The following COL5A2 variants were observed in gnomAD, a reference collection of about 807,000 sequenced individuals.
The protein encoded by COL5A2 is collagen alpha-2(V) chain.
In COL5A2, 23 loss-of-function variants were observed where a neutral mutation model predicts 208.2. That is an observed-to-expected ratio of 0.11 (90% confidence interval 0.08 to 0.16). The LOEUF is 0.16. Among genes scored for constraint, COL5A2 ranks in the 10% least tolerant of loss-of-function variants. COL5A2 has a pLI of 1.00. For missense variants in COL5A2, 1,590 were observed against 1,956.4 expected, an observed-to-expected ratio of 0.81 and a Z score of 3.53; for synonymous variants, 625 against 628.5, an observed-to-expected ratio of 0.99 and a Z score of 0.08.
chr2:189,215,794 C>T (rs1689271861), intron 1 of COL5A2, among the ~76,000 whole-genome samples: 1 of 152,064 alleles, frequency 6.6e-6, no homozygotes, highest in South Asian at 2.1e-4. Flanking sequence ...TTCAATTCTA[C>T]CTCTTTCGCC....
chr2:189,266,767 G>A, the COL5A2 span, among the ~76,000 whole-genome samples: 1 of 151,940 alleles, frequency 6.6e-6, no homozygotes, highest in East Asian at 1.9e-4. Context: ...GTGAATTTAT[G>A]GTATATGAGT....
At chr2:189,294,640 T>C in the COL5A2 span, among the ~76,000 whole-genome samples, 1 of 152,200 alleles carries the variant, frequency 6.6e-6, no homozygotes, top group South Asian at 2.1e-4. Flanking sequence ...CAATAGCCAA[T>C]ATATTTTCAT....
intron 17 of COL5A2, among the ~76,000 whole-genome samples, chr2:189,074,122 T>G (rs1201011354): frequency 1.3e-5 from 2 of 152,176 alleles, no homozygotes; most frequent in Admixed American, 6.5e-5. Context: ...ATGTTTATAA[T>G]TTACAGATGA....
At chr2:189,439,676 CTT>C in the COL5A2 span, among the ~76,000 whole-genome samples, 1 of 152,160 alleles carries the variant, frequency 6.6e-6, no homozygotes, top group Non-Finnish European at 1.5e-5. Context: ...ATACAAATGA[CTT>C]ATCTTTCTGG....
intron 1 of COL5A2, among the ~76,000 whole-genome samples, chr2:189,220,213 C>T (rs764055510): frequency 1.4e-4 from 21 of 152,178 alleles, no homozygotes; most frequent in Non-Finnish European, 2.8e-4. Context: ...TAGTATATTG[C>T]TGTGTCCAAC....
the COL5A2 span, among the ~76,000 whole-genome samples, chr2:189,267,044 C>G: frequency 6.6e-6 from 1 of 151,710 alleles, no homozygotes; most frequent in Non-Finnish European, 1.5e-5. Context: ...GGCTATGAAA[C>G]CAACAAGAAT....
the COL5A2 span, among the ~76,000 whole-genome samples, chr2:189,337,173 TC>T: frequency 7.0e-6 from 1 of 143,724 alleles, no homozygotes; most frequent in Non-Finnish European, 1.5e-5. Flanking sequence ...TTTTTTGACA[TC>T]ATTTTTTTTT....
At chr2:189,176,448 A>G (rs948495933) in intron 1 of COL5A2, among the ~76,000 whole-genome samples, 6 of 152,158 alleles carry the variant, frequency 3.9e-5, no homozygotes, top group Admixed American at 3.9e-4. Flanking sequence ...GGTTTACAGT[A>G]TTTGGAAACA....
In COL5A2 at chr2:189,033,912, G is replaced by A. The variant is rs1685388554; in HGVS notation, c.*158C>T. ...TTGTAAGTAAAATAAATATTCTGAA[G>A]GATAAGGAGGCCAGGCACTTAAGAC... is the stretch of plus-strand genomic sequence containing the variant. On this transcript the variant is annotated 3_prime_UTR_variant, in exon 54 of 54. Coordinates refer to ENST00000374866, the MANE Select transcript of COL5A2 (RefSeq NM_000393.5). 1.2e-6 allele frequency: 1 copy of A among 854,982 alleles called. No individual in the cohort carries two copies. The highest frequency in any genetic ancestry group is 1.9e-6 in the Non-Finnish European group (1 of 522,150). The allele number at this position is 854,982 out of a possible 1,614,324, so 53.0% of individuals were successfully genotyped here. A position where few individuals can be genotyped will look rare whatever the true frequency, so the allele number is the denominator to read the frequency against.
At chr2:189,044,860 A>G (rs1275775162) in intron 47 of COL5A2, among the ~76,000 whole-genome samples, 1 of 152,094 alleles carries the variant, frequency 6.6e-6, no homozygotes, top group Non-Finnish European at 1.5e-5. Context: ...TTTCAAATCC[A>G]TTTTCCTATG....
intron 1 of COL5A2, among the ~76,000 whole-genome samples, chr2:189,216,886 G>A (rs1172944749): frequency 1.3e-5 from 2 of 152,052 alleles, no homozygotes; most frequent in African/African-American, 4.8e-5. Flanking sequence ...ATTTGCTGGA[G>A]GGGAAAGGCA....
At chr2:189,343,780 T>TCC in the COL5A2 span, among the ~76,000 whole-genome samples, 1 of 152,172 alleles carries the variant, frequency 6.6e-6, no homozygotes, top group African/African-American at 2.4e-5. Context: ...ACTAACAACA[T>TCC]TAAATTTGTC....
At chr2:189,292,774 A>G in the COL5A2 span, among the ~76,000 whole-genome samples, 5,879 of 152,256 alleles carry the variant, frequency 0.039, 125 homozygotes, top group Admixed American at 0.052. Flanking sequence ...AAAGGAATAT[A>G]AATCATGCTG....
chr2:189,095,492 G>A (rs753493738), intron 6 of COL5A2, among the ~76,000 whole-genome samples: 10 of 150,922 alleles, frequency 6.6e-5, no homozygotes, highest in Non-Finnish European at 1.3e-4. Context: ...TCTCTCTCTC[G>A]CTCTTTCATA....
At chr2:189,045,704 T>C in intron 46 of COL5A2, 96 bp downstream of exon 46, 1 of 920,708 alleles carries the variant, frequency 1.1e-6, no homozygotes, top group South Asian at 1.3e-5. Context: ...CTTAACGAAG[T>C]GCACATGTAT....
At chr2:189,040,409 C>T (rs1304134231) in intron 50 of COL5A2, among the ~76,000 whole-genome samples, 2 of 147,994 alleles carry the variant, frequency 1.4e-5, no homozygotes, top group East Asian at 2.1e-4. Context: ...GCAGAGACTA[C>T]GAAATGGATC....
At chr2:189,122,418 A>G (rs1360706342) in intron 1 of COL5A2, among the ~76,000 whole-genome samples, 1 of 152,128 alleles carries the variant, frequency 6.6e-6, no homozygotes, top group Non-Finnish European at 1.5e-5. Context: ...AGGGAGGAAA[A>G]CATGTCATAT....
the COL5A2 span, among the ~76,000 whole-genome samples, chr2:189,269,596 C>T: frequency 3.9e-5 from 6 of 152,072 alleles, no homozygotes; most frequent in African/African-American, 1.4e-4. Flanking sequence ...GTGACTTGAT[C>T]GTGGTGGATA....
chr2:189,256,642 G>T, the COL5A2 span, among the ~76,000 whole-genome samples: 1 of 152,024 alleles, frequency 6.6e-6, no homozygotes, highest in South Asian at 2.1e-4. Context: ...AGAAAAGATT[G>T]TCCTCATATT....
Sources: gnomAD v4.1 joint callset for allele counts (sites outside exome capture counted in the v4.1 genomes callset) on GRCh38, gnomAD v4.1.1 for gene constraint, MANE v1.5 for transcripts, NCBI Gene and HGNC (gene_info 2026-07-23, HGNC 2026-07-21) for gene names.